The following ANKRD13C variants were observed in gnomAD, a reference collection of about 807,000 sequenced individuals.
ANKRD13C encodes the protein ankyrin repeat domain-containing protein 13C.
A neutral mutation model predicts 65.5 loss-of-function variants in ANKRD13C; 16 were observed. The ratio of observed to expected loss-of-function variants is 0.24; its 90% CI spans 0.17 to 0.37. The LOEUF (loss-of-function observed/expected upper bound fraction) is 0.37, where lower values mean the gene tolerates loss of function less well. Among genes scored for constraint, ANKRD13C ranks in the 10% least tolerant of loss-of-function variants. The pLI, the probability that ANKRD13C is intolerant of heterozygous loss-of-function variation, is 1.00. For missense variants in ANKRD13C, 503 were observed against 655.9 expected (o/e 0.77, Z 2.55); for synonymous variants, 235 against 238.7 (o/e 0.98, Z 0.14).
chr1:70,288,155 A>G (rs1216175892), intron 9 of ANKRD13C, among the ~76,000 whole-genome samples: 1 of 152,258 alleles, frequency 6.6e-6, no homozygotes, highest in African/African-American at 2.4e-5. Flanking sequence ...ATGACCATTC[A>G]ATATCATTAG....
intron 9 of ANKRD13C, among the ~76,000 whole-genome samples, chr1:70,283,296 TTTAAG>T (rs763910064): frequency 1.3e-5 from 2 of 152,166 alleles, no homozygotes; most frequent in Non-Finnish European, 2.9e-5. Flanking sequence ...CAGATAACTC[TTTAAG>T]TTATTTTGCC....
chr1:70,296,089 C>G (rs372460619), intron 8 of ANKRD13C, 41 bp downstream of exon 8: 24 of 1,595,778 alleles, frequency 1.5e-5, no homozygotes, highest in Non-Finnish European at 2.0e-5. Context: ...TATTAAATAC[C>G]GAACAATGCT....
intron 1 of ANKRD13C, among the ~76,000 whole-genome samples, chr1:70,348,989 G>T (rs1682640355): frequency 6.6e-6 from 1 of 152,084 alleles, no homozygotes; most frequent in Non-Finnish European, 1.5e-5. Context: ...GCACCTAAAA[G>T]CTTCTGACTA....
At chr1:70,331,658 A>G (rs1317150701) in intron 2 of ANKRD13C, among the ~76,000 whole-genome samples, 1 of 151,996 alleles carries the variant, frequency 6.6e-6, no homozygotes, top group Admixed American at 6.6e-5. Flanking sequence ...CCTGGCCAAC[A>G]TGGTGAAACC....
At position 70,259,778 on chromosome 1, in the gene ANKRD13C, A is replaced by G. The variant is rs944314320; in HGVS notation, c.*2939T>C. 2.6e-5 allele frequency among the ~76,000 whole-genome samples: 4 copies of G among 152,180 alleles called. No individual in the cohort carries two copies. The highest frequency in any genetic ancestry group is 9.7e-5 in the African/African-American group (4 of 41,442). On this transcript the variant is annotated 3_prime_UTR_variant, in exon 13 of 13. Transcript: ENST00000370944. ...TCTAGCATGTTTGTAAATATGGGTA[A>G]TATCAATGAGCAGAAGGAAGCACCT...
chr1:70,293,880 T>C (rs1299299205), intron 8 of ANKRD13C, among the ~76,000 whole-genome samples: 2 of 152,234 alleles, frequency 1.3e-5, no homozygotes, highest in Non-Finnish European at 2.9e-5. Context: ...GTATTCCCCA[T>C]TACCCAGCCA....
intron 1 of ANKRD13C, among the ~76,000 whole-genome samples, chr1:70,336,520 T>A (rs1259350697): frequency 6.6e-6 from 1 of 151,974 alleles, no homozygotes; most frequent in Non-Finnish European, 1.5e-5. Context: ...AAATAATAAT[T>A]ATTATTTATT....
At chr1:70,277,019 T>C (rs1282423468) in intron 9 of ANKRD13C, among the ~76,000 whole-genome samples, 175 bp from the exon 10 acceptor site, 1 of 152,212 alleles carries the variant, frequency 6.6e-6, no homozygotes, top group African/African-American at 2.4e-5. Flanking sequence ...TTAAGCTCTA[T>C]TGGTAATATT....
intron 11 of ANKRD13C, among the ~76,000 whole-genome samples, chr1:70,272,623 T>A (rs1678943212): frequency 6.6e-6 from 1 of 152,088 alleles, no homozygotes; most frequent in African/African-American, 2.4e-5. Flanking sequence ...GAAATTAGGA[T>A]AACTCCTAAA....
chr1:70,339,811 GTTT>G (rs897204586), intron 1 of ANKRD13C, among the ~76,000 whole-genome samples: 1 of 125,702 alleles, frequency 8.0e-6, no homozygotes, highest in African/African-American at 3.0e-5. Flanking sequence ...TGATCAGTAC[GTTT>G]ATTATTATTA....
chr1:70,263,062 C>T (rs930530568), intron 12 of ANKRD13C, among the ~76,000 whole-genome samples: 5 of 151,818 alleles, frequency 3.3e-5, no homozygotes, highest in Non-Finnish European at 5.9e-5. Context: ...ATTCAGGCAT[C>T]CAGCATTATA....
intron 2 of ANKRD13C, among the ~76,000 whole-genome samples, chr1:70,329,022 G>A (rs899275058): frequency 6.6e-6 from 1 of 151,862 alleles, no homozygotes; most frequent in African/African-American, 2.4e-5. Flanking sequence ...AGAAAAATAT[G>A]GCAAATTACT....
rs1680323531 is a variant in ANKRD13C at position 70,300,912 on chromosome 1, T to G, written c.777-4A>C. 1 of 1,606,306 alleles carries G rather than the reference T, an allele frequency of 6.2e-7. No homozygotes were observed. Among genetic ancestry groups the G allele is most frequent in the African/African-American group, 1.3e-5 (1 of 74,554 alleles). On this transcript the variant is annotated splice_region_variant and splice_polypyrimidine_tract_variant and intron_variant, in intron 6 of 12. Coordinates refer to ENST00000370944, the MANE Select transcript of ANKRD13C (RefSeq NM_030816.5). ...GTCTATGAGAGTTGTGTCAAGCCTG[T>G]GAAACATGGGTAGATGATAAACTCT...
At chr1:70,312,382 T>C (rs1680885174) in intron 5 of ANKRD13C, among the ~76,000 whole-genome samples, 1 of 151,970 alleles carries the variant, frequency 6.6e-6, no homozygotes, top group Admixed American at 6.6e-5. Context: ...TTTTTTTTTT[T>C]TGAGACAGAG....
intron 8 of ANKRD13C, among the ~76,000 whole-genome samples, chr1:70,293,063 G>A (rs1357134435): frequency 6.6e-6 from 1 of 151,970 alleles, no homozygotes; most frequent in East Asian, 1.9e-4. Context: ...TCTCTAACAG[G>A]CACCAAACTT....
At chr1:70,297,903 G>T (rs1462393372) in intron 7 of ANKRD13C, among the ~76,000 whole-genome samples, 1 of 123,750 alleles carries the variant, frequency 8.1e-6, no homozygotes, top group African/African-American at 3.1e-5. Context: ...GAGACAGAGA[G>T]AGACTCCATC....
intron 1 of ANKRD13C, 130 bp downstream of exon 1, chr1:70,353,849 T>C: frequency 7.8e-7 from 1 of 1,283,858 alleles, no homozygotes; most frequent in Non-Finnish European, 1.0e-6. Context: ...TCGATCATGA[T>C]TTACCGAACG....
intron 11 of ANKRD13C, among the ~76,000 whole-genome samples, chr1:70,272,019 G>A (rs1340515369): frequency 6.6e-6 from 1 of 151,998 alleles, no homozygotes; most frequent in African/African-American, 2.4e-5. Flanking sequence ...TTTTGTAATA[G>A]TGCCATTTAG....
chr1:70,331,820 CAAAAAAAAAAAAAA>C (rs10526340), intron 2 of ANKRD13C, among the ~76,000 whole-genome samples: 1 of 70,070 alleles, frequency 1.4e-5, no homozygotes. Flanking sequence ...AGACTCGACT[CAAAAAAAAAAAAAA>C]AAAAAAAAAG....
Sources: gnomAD v4.1 joint callset for allele counts (sites outside exome capture counted in the v4.1 genomes callset) on GRCh38, gnomAD v4.1.1 for gene constraint, MANE v1.5 for transcripts, NCBI Gene and HGNC (gene_info 2026-07-23, HGNC 2026-07-21) for gene names.